TASOR2: variants seen among roughly 807,000 people sequenced by gnomAD.
The protein encoded by TASOR2 is protein TASOR 2.
TASOR2 carries 84 observed loss-of-function variants against 199.5 expected under a neutral mutation model. The ratio of observed to expected loss-of-function variants is 0.42; its 90% CI spans 0.35 to 0.50. The LOEUF (loss-of-function observed/expected upper bound fraction) is 0.50. Ranked by LOEUF, TASOR2 falls within the 20% of genes least tolerant of loss-of-function variation. The pLI is 0.02. For synonymous variants in TASOR2, 1,103 were observed against 1,046.6 expected (o/e 1.05, Z -1.04); for missense variants, 2,796 against 2,835.9 (o/e 0.99, Z 0.32).
At chr10:5,707,876 C>CT (rs1400876650) in intron 1 of TASOR2, among the ~76,000 whole-genome samples, 2 of 152,058 alleles carry the variant, frequency 1.3e-5, no homozygotes, top group African/African-American at 4.8e-5. Flanking sequence ...TCCAATGTGT[C>CT]TTTAACCACT....
chr10:5,727,012 A>T (rs765688051), intron 9 of TASOR2, 49 bp from the exon 11 acceptor site: 2 of 1,613,570 alleles, frequency 1.2e-6, no homozygotes, highest in Admixed American at 3.3e-5. Flanking sequence ...CTTTTGCTTT[A>T]TAAGATCAAC....
Position 5,722,512 on chromosome 10 carries a change from C to T in TASOR2, c.147-1165C>T, listed in dbSNP as rs1833501211. On this transcript the variant is annotated intron_variant, in intron 6 of 20. Transcript: ENST00000328090. This position sits in a 1 kb window ranked among gnomAD's most constrained non-coding sequence, Gnocchi z 4.0. ...AGGAATCACACAGAGAGGTATGTGACATAAAAGGGCATCAGGTTTGCATCT... is the reference window on the plus strand; with the variant it reads ...AGGAATCACACAGAGAGGTATGTGATATAAAAGGGCATCAGGTTTGCATCT... 6.6e-6 allele frequency among the ~76,000 whole-genome samples: 1 copy of T among 151,832 alleles called. No homozygotes were observed. Among genetic ancestry groups the T allele is most frequent in the East Asian group, 1.9e-4 (1 of 5,180 alleles).
chr10:5,703,037 A>T (rs919390933), intron 1 of TASOR2, among the ~76,000 whole-genome samples: 1 of 152,224 alleles, frequency 6.6e-6, no homozygotes, highest in African/African-American at 2.4e-5. Context: ...AAGACTATGT[A>T]CTGGCTGGTA....
intron 3 of TASOR2, among the ~76,000 whole-genome samples, chr10:5,718,392 TAAAAA>T (rs59475949): frequency 5.1e-5 from 7 of 137,520 alleles, no homozygotes; most frequent in Non-Finnish European, 9.3e-5. Context: ...GACCTTTAAT[TAAAAA>T]AAAAAAAAAA....
rs1393194045 is a variant in TASOR2 at position 5,754,850 on chromosome 10, T to C, written c.6607-1763T>C. 6.6e-6 allele frequency among the ~76,000 whole-genome samples: 1 copy of C among 151,480 alleles called. No homozygotes were observed. Among genetic ancestry groups the C allele is most frequent in the Non-Finnish European group, 1.5e-5 (1 of 67,866 alleles). On this transcript the variant is annotated intron_variant, in intron 15 of 20. Transcript: ENST00000328090. This position sits in a 1 kb window ranked among gnomAD's most constrained non-coding sequence, Gnocchi z 4.3. ...CAAGGTCAGGAGATTGAGACCTTCC[T>C]GGCTAACACCGTGAAACCCCATCTC... is the stretch of plus-strand genomic sequence containing the variant.
chr10:5,747,903 C>T (rs756554062), exon 15 of TASOR2: 1 of 1,613,738 alleles, frequency 6.2e-7, no homozygotes, highest in Non-Finnish European at 8.5e-7. Context: ...GTAGACCAAC[C>T]CTTCCTGGTA....
At chr10:5,696,929 A>G (rs1837230983) in intron 1 of TASOR2, among the ~76,000 whole-genome samples, 1 of 152,224 alleles carries the variant, frequency 6.6e-6, no homozygotes, top group Non-Finnish European at 1.5e-5. Context: ...AGGTTTAGAT[A>G]ATAAAGCTGA....
rs1247135151 is a variant in TASOR2, at chr10:5,689,531, C to T, written c.-288+4356C>T. Among the ~76,000 whole-genome samples, 1 of 151,934 alleles carries T rather than the reference C, an allele frequency of 6.6e-6. No individual in the cohort carries two copies. The highest frequency in any genetic ancestry group is 1.5e-5 in the Non-Finnish European group (1 of 67,982). Reference sequence around the variant, plus strand: ...AGAAGAATTGCTTGAACTCGGGAGGCAGAGGTTGCAGTGAGCAGAGATCAC... The same window carrying T: ...AGAAGAATTGCTTGAACTCGGGAGGTAGAGGTTGCAGTGAGCAGAGATCAC... On this transcript the variant is annotated intron_variant, in intron 1 of 20. Transcript: ENST00000328090. This position sits in a 1 kb window ranked among gnomAD's most constrained non-coding sequence, Gnocchi z 4.1.
At chr10:5,727,631 A>C (rs963467008) in intron 10 of TASOR2, among the ~76,000 whole-genome samples, 1 of 152,188 alleles carries the variant, frequency 6.6e-6, no homozygotes, top group African/African-American at 2.4e-5. Context: ...TTGGAGGTCA[A>C]TATGGGGGAA....
chr10:5,721,074 A>T, intron 6 of TASOR2, 104 bp downstream of exon 7: 1 of 814,364 alleles, frequency 1.2e-6, no homozygotes, highest in Non-Finnish European at 2.0e-6. Flanking sequence ...AAATACAGCA[A>T]CTGTTCTTGA....
At chr10:5,761,717 T>C in intron 19 of TASOR2, 2 of 420,774 alleles carry the variant, frequency 4.8e-6, no homozygotes, top group South Asian at 4.4e-5. Context: ...ACAGTATAAG[T>C]AGTTATACCG....
exon 15 of TASOR2, chr10:5,749,297 C>T (rs1837672708): frequency 1.2e-6 from 2 of 1,614,108 alleles, no homozygotes; most frequent in African/African-American, 1.3e-5. Context: ...CTGCCCAGCT[C>T]CTGGACAAGC....
chr10:5,736,158 C>G (rs148175378), intron 12 of TASOR2, among the ~76,000 whole-genome samples: 1 of 152,042 alleles, frequency 6.6e-6, no homozygotes, highest in African/African-American at 2.4e-5. Context: ...CGGTGTCTCA[C>G]GCCTGTAATC....
intron 1 of TASOR2, among the ~76,000 whole-genome samples, chr10:5,696,695 A>G (rs1432039160): frequency 1.3e-5 from 2 of 152,174 alleles, no homozygotes; most frequent in Non-Finnish European, 2.9e-5. Flanking sequence ...GTATAAATGT[A>G]CAGCCAAGGG....
intron 6 of TASOR2, among the ~76,000 whole-genome samples, chr10:5,723,301 C>T (rs190388942): frequency 9.2e-5 from 14 of 151,990 alleles, no homozygotes; most frequent in East Asian, 7.8e-4. Context: ...CTGATCCACC[C>T]GCCTCAGCCT....
intron 8 of TASOR2, among the ~76,000 whole-genome samples, chr10:5,725,215 T>G (rs1833893611): frequency 6.6e-6 from 1 of 151,634 alleles, no homozygotes; most frequent in Non-Finnish European, 1.5e-5. Context: ...CTGACTAACA[T>G]GGTGAAACCC....
chr10:5,735,223 A>G (rs1835403872), intron 11 of TASOR2, 81 bp from the exon 13 acceptor site: 2 of 1,524,980 alleles, frequency 1.3e-6, no homozygotes, highest in South Asian at 1.3e-5. Context: ...AAATAAAAAC[A>G]AAACAAAACA....
At chr10:5,732,168 G>A (rs549744899) in intron 11 of TASOR2, among the ~76,000 whole-genome samples, 1 of 152,238 alleles carries the variant, frequency 6.6e-6, no homozygotes, top group African/African-American at 2.4e-5. Flanking sequence ...GTATTTCAGT[G>A]AACATAGGAC....
chr10:5,758,524 G>A (rs565937895), intron 17 of TASOR2, among the ~76,000 whole-genome samples: 9 of 152,146 alleles, frequency 5.9e-5, no homozygotes, highest in South Asian at 2.1e-4. Context: ...GGTGACAGCC[G>A]AAACCCTGTC....
Sources: gnomAD v4.1 joint callset for allele counts (sites outside exome capture counted in the v4.1 genomes callset) on GRCh38, gnomAD v4.1.1 for gene constraint, Gnocchi (gnomAD v3.1) non-coding constraint, MANE v1.5 for transcripts, NCBI Gene and HGNC (gene_info 2026-07-23, HGNC 2026-07-21) for gene names.